ATP1A3: variants seen among roughly 807,000 people sequenced by gnomAD.
ATP1A3 encodes ATPase Na+/K+ transporting subunit alpha 3.
Under a neutral mutation model 108.8 loss-of-function variants are expected in ATP1A3, and 12 were observed. That is an observed-to-expected ratio of 0.11 (90% CI 0.07 to 0.18). The LOEUF (loss-of-function observed/expected upper bound fraction) is 0.18. ATP1A3 is among the 10% of genes least tolerant of loss of function. The pLI is 1.00. For synonymous variants in ATP1A3, 539 were observed against 564.5 expected (o/e 0.95, Z 0.64); for missense variants, 498 against 1,387.7 (o/e 0.36, Z 10.19).
chr19:41,981,945 G>A lies in ATP1A3; in HGVS notation c.1155C>T (p.Asn385=). 6.2e-7 allele frequency: 1 copy of A among 1,614,212 alleles called. No individual in the cohort carries two copies. Among genetic ancestry groups the A allele is most frequent in the South Asian group, 1.1e-5 (1 of 91,086 alleles). Residue 385 remains asparagine, a synonymous_variant, in exon 9 of 23, where the codon AAC becomes AAT. Transcript: ENST00000648268. This position sits in a 1 kb window ranked among gnomAD's most constrained non-coding sequence, Gnocchi z 5.0. ...CAGTGGTGTCAGCCTCGTGGATCTG[G>A]TTGTCAAACCACATGTGGGCGACTG... ...RMTVAHMWFD[N]QIHEADTTED... is the part of the protein sequence containing the mutation.
rs1599716048 is a variant in ATP1A3, at chr19:41,978,780, C to T, written c.1456G>A (p.Glu486Lys). The T allele has an allele frequency of 2.5e-6, 4 of 1,613,916 alleles. No individual in the cohort carries two copies. Among genetic ancestry groups the T allele is most frequent in the Non-Finnish European group, 3.4e-6 (4 of 1,179,936 alleles). Residue 486 changes from glutamate to lysine, a missense_variant, in exon 12 of 23, where the codon GAG (glutamate) becomes AAG (lysine). Coordinates refer to ENST00000648268, the MANE Select transcript of ATP1A3 (RefSeq NM_152296.5). This position sits in a 1 kb window ranked among gnomAD's most constrained non-coding sequence, Gnocchi z 8.3. ...AGGTATCGGTTGTCGTTGGGGTCCT[C>T]GGTCTCATGGATGGAGAGCTGGGGA... ...NKYQLSIHET[E>K]DPNDNRYLLV...
rs1599730736 is a variant in ATP1A3, at chr19:41,993,234, G to T, written c.6+837C>A. On this transcript the variant is annotated intron_variant, in intron 1 of 22. Coordinates refer to ENST00000648268, the MANE Select transcript of ATP1A3 (RefSeq NM_152296.5). Reference sequence around the variant, plus strand: ...GGGAGGAATCCAGGGCTGCAGCAAGGGTCAGGTGGTCAGCCAGGGAGGGAG... The same window carrying T: ...GGGAGGAATCCAGGGCTGCAGCAAGTGTCAGGTGGTCAGCCAGGGAGGGAG... 1.7e-5 allele frequency: 9 copies of T among 530,704 alleles called. No homozygotes were observed. The East Asian group carries it at 2.8e-4, about 17-fold the overall frequency. The allele number at this position is 530,704 out of a possible 1,614,324, so 32.9% of individuals were successfully genotyped here. A position where few individuals can be genotyped will look rare whatever the true frequency, so the allele number is the denominator to read the frequency against.
At chr19:41,976,873 C>T (rs1269068594) in intron 14 of ATP1A3, among the ~76,000 whole-genome samples, 4 of 151,928 alleles carry the variant, frequency 2.6e-5, no homozygotes, top group African/African-American at 7.3e-5. Flanking sequence ...GGCGCAATCT[C>T]GGCTCACTGC....
At position 41,967,916 on chromosome 19, in the gene ATP1A3, G is replaced by A. The variant is rs1555859009; in HGVS notation, c.2820-153C>T. Among the ~76,000 whole-genome samples the A allele has an allele frequency of 6.6e-6, 1 of 152,000 alleles. No individual in the cohort carries two copies. The highest frequency in any genetic ancestry group is 1.5e-5 in the Non-Finnish European group (1 of 67,988). On this transcript the variant is annotated intron_variant, in intron 20 of 22. Transcript: ENST00000648268. This position sits in a 1 kb window ranked among gnomAD's most constrained non-coding sequence, Gnocchi z 4.2. Reference sequence around the variant, plus strand: ...AGAGACATAGGGAGAGACAGAGATGGGGAGACATGCCCCGACAGAGAGAGA... The same window carrying A: ...AGAGACATAGGGAGAGACAGAGATGAGGAGACATGCCCCGACAGAGAGAGA...
At chr19:41,971,191 G>A (rs2075105100) in intron 16 of ATP1A3, among the ~76,000 whole-genome samples, 1 of 150,548 alleles carries the variant, frequency 6.6e-6, no homozygotes, top group Non-Finnish European at 1.5e-5. Flanking sequence ...CTAATTTCTG[G>A]GCTGTGATTC....
At chr19:41,977,897 G>C (rs1555861908) in intron 14 of ATP1A3, 39 bp downstream of exon 14, 2 of 1,612,346 alleles carry the variant, frequency 1.2e-6, no homozygotes, top group Non-Finnish European at 1.7e-6. Flanking sequence ...CAACACCCTA[G>C]AGGGATGTCC....
In ATP1A3 at chr19:41,967,647, C is replaced by T; in HGVS notation, c.2921+15G>A. The T allele has an allele frequency of 6.2e-7, 1 of 1,612,860 alleles. No homozygotes were observed. Among genetic ancestry groups the T allele is most frequent in the South Asian group, 1.1e-5 (1 of 90,984 alleles). On this transcript the variant is annotated intron_variant, in intron 21 of 22. Coordinates refer to ENST00000648268, the MANE Select transcript of ATP1A3 (RefSeq NM_152296.5). This position sits in a 1 kb window ranked among gnomAD's most constrained non-coding sequence, Gnocchi z 4.2. ...GCGCTGGTGTGGGCAGGGCTGGGGG[C>T]AGCGGGGCACTCACTTGAGAGGGTA...
chr19:41,983,764 AAATTT>A (rs1372719244), intron 8 of ATP1A3, among the ~76,000 whole-genome samples: 10 of 146,562 alleles, frequency 6.8e-5, no homozygotes, highest in African/African-American at 2.5e-4. Context: ...TAATTTAAAA[AAATTT>A]TTTTTTTTTT....
chr19:41,977,224 G>A (rs1648774984), intron 14 of ATP1A3, among the ~76,000 whole-genome samples: 1 of 152,092 alleles, frequency 6.6e-6, no homozygotes, highest in Non-Finnish European at 1.5e-5. Context: ...ACAGAAAAGA[G>A]AGACAATGAC....
intron 4 of ATP1A3, chr19:41,986,454 T>G (rs2075287706): frequency 2.2e-6 from 1 of 446,112 alleles, no homozygotes; most frequent in South Asian, 2.1e-5. Context: ...CTGTCGATTT[T>G]TTTTTTGAGA....
chr19:41,981,640 C>G lies in ATP1A3; in HGVS notation c.1303-4G>C, dbSNP rs781842722. 2 of 1,614,172 alleles carry G rather than the reference C, an allele frequency of 1.2e-6. No homozygotes were observed. The highest frequency in any genetic ancestry group is 1.7e-6 in the Non-Finnish European group (2 of 1,180,044). Reference sequence around the variant, plus strand: ...ACGCATCCCCAGCCACATCCCTCTGCAAGGAGAAAGGGTTGTCAGAACAGG... The same window carrying G: ...ACGCATCCCCAGCCACATCCCTCTGGAAGGAGAAAGGGTTGTCAGAACAGG... On this transcript the variant is annotated splice_region_variant and splice_polypyrimidine_tract_variant and intron_variant, in intron 10 of 22. Coordinates refer to ENST00000648268, the MANE Select transcript of ATP1A3 (RefSeq NM_152296.5). This position sits in a 1 kb window ranked among gnomAD's most constrained non-coding sequence, Gnocchi z 5.0.
rs2075235195 is a variant in ATP1A3, at chr19:41,981,844, T to C, written c.1193-13A>G. The C allele has an allele frequency of 6.2e-7, 1 of 1,614,082 alleles. No individual in the cohort carries two copies. The highest frequency in any genetic ancestry group is 1.1e-5 in the South Asian group (1 of 91,080). On this transcript the variant is annotated splice_polypyrimidine_tract_variant and intron_variant, in intron 9 of 22. Coordinates refer to ENST00000648268, the MANE Select transcript of ATP1A3 (RefSeq NM_152296.5). The surrounding 1 kb of genome is among the most constrained non-coding windows in gnomAD (Gnocchi z 5.0). ...TCAAATGAGGTCCCTGGGGGAGGCA[T>C]GTGTGAGGGCCAGGGACTCCTGGAG...
rs12975677 is a variant in ATP1A3, at chr19:41,970,048, A to T, written c.2542+137T>A. ...GAAGGATGGGGTGCAGACCCCCCCCACAGATAGCTCACTGGTTGGTCCTGC... is the reference window on the plus strand; with the variant it reads ...GAAGGATGGGGTGCAGACCCCCCCCTCAGATAGCTCACTGGTTGGTCCTGC... On this transcript the variant is annotated intron_variant, in intron 18 of 22. Transcript: ENST00000648268. 0.65 allele frequency: 908,804 copies of T among 1,401,860 alleles called. 297,345 individuals carry two copies. The highest frequency in any genetic ancestry group is 0.83 in the African/African-American group (58,650 of 70,844). 86.8% of individuals were successfully genotyped at this position (1,401,860 alleles called of 1,614,324 possible).
rs375241733 is a variant in ATP1A3, at chr19:41,985,246, C to A, written c.724+60G>T. 53 of 1,613,964 alleles carry A rather than the reference C, an allele frequency of 3.3e-5. No homozygotes were observed. In the African/African-American group the frequency reaches 5.1e-4, roughly 15 times the overall value. ...GCTCAGGGAGGTTCTGGAGGCCTGA[C>A]CCCCTGGGACACATCCCTGTGTCTG... On this transcript the variant is annotated intron_variant, in intron 7 of 22. Transcript: ENST00000648268. The surrounding 1 kb of genome is among the most constrained non-coding windows in gnomAD (Gnocchi z 8.2).
At position 41,980,728 on chromosome 19, in the gene ATP1A3, G is replaced by A. The variant is rs376036822; in HGVS notation, c.1437+774C>T. ...AGATCGAGACCATCCTGGCTAACACGGTGAAACCCCGTCTCTACTAAAAAT... is the reference window on the plus strand; with the variant it reads ...AGATCGAGACCATCCTGGCTAACACAGTGAAACCCCGTCTCTACTAAAAAT... On this transcript the variant is annotated intron_variant, in intron 11 of 22. Transcript: ENST00000648268. Among the ~76,000 whole-genome samples the A allele has an allele frequency of 4.9e-4, 74 of 152,132 alleles. No homozygotes were observed. The South Asian group carries it at 0.015, about 30-fold the overall frequency.
At position 41,988,106 on chromosome 19, in the gene ATP1A3, C is replaced by G. The variant is rs1555866076; in HGVS notation, c.187G>C (p.Ala63Pro). The G allele has an allele frequency of 6.2e-7, 1 of 1,614,018 alleles. No individual in the cohort carries two copies. Among genetic ancestry groups the G allele is most frequent in the East Asian group, 2.2e-5 (1 of 44,892 alleles). ...LTHSKAQEILARDGPNALTPP... is the reference protein window; with the variant it reads ...LTHSKAQEILPRDGPNALTPP... ...GTGAGTGCGTTAGGCCCATCCCGGGCCAGGATCTCCTGGGCTTTGCTGTGG... is the reference window on the plus strand; with the variant it reads ...GTGAGTGCGTTAGGCCCATCCCGGGGCAGGATCTCCTGGGCTTTGCTGTGG... The change falls in exon 4 of 23, where the codon GCC becomes CCC. Residue 63 changes from alanine (A) to proline (P), a missense_variant. Physicochemically the swap from Ala to Pro is conservative, Grantham distance 27. Around this residue, in one of 9 missense-constraint regions of ATP1A3, gnomAD observed 127 missense variants for 464.0 expected, o/e 0.27. Coordinates refer to ENST00000648268, the MANE Select transcript of ATP1A3 (RefSeq NM_152296.5). This position sits in a 1 kb window ranked among gnomAD's most constrained non-coding sequence, Gnocchi z 5.3.
rs1055053803 is a variant in ATP1A3 at position 41,979,434 on chromosome 19, T to C, written c.1438-636A>G. On this transcript the variant is annotated intron_variant, in intron 11 of 22. Coordinates refer to ENST00000648268, the MANE Select transcript of ATP1A3 (RefSeq NM_152296.5). ...GGCTCATGCGATCCTCCCGCTTCGG[T>C]CTCCCACGTAGCTGGGACCACAGGT... is the stretch of plus-strand genomic sequence containing the variant. 2.2e-4 allele frequency among the ~76,000 whole-genome samples: 34 copies of C among 152,070 alleles called. 1 individual carries two copies. The highest frequency in any genetic ancestry group is 8.0e-4 in the African/African-American group (33 of 41,482).
rs2075047245 is a variant in ATP1A3 at position 41,966,846 on chromosome 19, C to T, written c.*91G>A. ...GTGGGGCCACAGGAAGAGAGGGCTC[C>T]TCCCCCCAGAATACAAAATTGGGGG... On this transcript the variant is annotated 3_prime_UTR_variant, in exon 23 of 23. Coordinates refer to ENST00000648268, the MANE Select transcript of ATP1A3 (RefSeq NM_152296.5). 2 of 1,547,400 alleles carry T rather than the reference C, an allele frequency of 1.3e-6. No individual in the cohort carries two copies. The highest frequency in any genetic ancestry group is 1.7e-6 in the Non-Finnish European group (2 of 1,144,940).
At chr19:41,971,398 T>C (rs1244491782) in intron 16 of ATP1A3, among the ~76,000 whole-genome samples, 1 of 151,846 alleles carries the variant, frequency 6.6e-6, no homozygotes, top group African/African-American at 2.4e-5. Flanking sequence ...GACTCCTAGG[T>C]TTTATACCCA....
Sources: allele counts gnomAD v4.1 joint callset (sites outside exome capture counted in the v4.1 genomes callset), GRCh38; gene constraint gnomAD v4.1.1; regional missense constraint gnomAD v4.1.1; non-coding constraint Gnocchi (gnomAD v3.1); transcripts MANE v1.5; gene names NCBI Gene and HGNC (gene_info 2026-07-23, HGNC 2026-07-21).